STK32B: variants seen among roughly 807,000 people sequenced by gnomAD.
The protein encoded by STK32B is serine/threonine-protein kinase 32B.
STK32B carries 43 observed loss-of-function variants against 52.6 expected under a neutral mutation model. That is an observed-to-expected ratio of 0.82 (90% confidence interval 0.64 to 1.05). STK32B has a LOEUF of 1.05. STK32B is among the 50% of genes least tolerant of loss of function. The pLI is 0.00. For synonymous variants in STK32B, 238 were observed against 204.3 expected, an observed-to-expected ratio of 1.17 and a Z score of -1.41; for missense variants, 621 against 534.6, an observed-to-expected ratio of 1.16 and a Z score of -1.59.
Position 5,184,695 on chromosome 4 carries a change from A to AAAAAAAAAAGAAG in STK32B, c.260+16247_260+16248insAAAAAAAGAAGAA, listed in dbSNP as rs58321341. ...GAGCGAGACTGTCTCAAAAAAAAAA[A>AAAAAAAAAAGAAG]AAGAAGAAGAAGAAGAAAAAGAAAA... On this transcript the variant is annotated intron_variant, in intron 3 of 11. Transcript: ENST00000282908. 2.3e-4 allele frequency among the ~76,000 whole-genome samples: 32 copies of AAAAAAAAAAGAAG among 137,588 alleles called. 1 individual carries two copies. The highest frequency in any genetic ancestry group is 4.6e-4 in the South Asian group (2 of 4,370). The allele number at this position is 137,588 out of a possible 152,430, so 90.3% of individuals were successfully genotyped here. A position where few individuals can be genotyped will look rare whatever the true frequency, so the allele number is the denominator to read the frequency against.
chr4:5,271,991 T>C (rs1313441121), intron 3 of STK32B, among the ~76,000 whole-genome samples: 1 of 149,020 alleles, frequency 6.7e-6, no homozygotes, highest in African/African-American at 2.6e-5. Flanking sequence ...TTGAATACCC[T>C]TTATTTCCTT....
intron 3 of STK32B, among the ~76,000 whole-genome samples, chr4:5,169,638 A>G (rs1719197587): frequency 6.6e-6 from 1 of 150,920 alleles, no homozygotes; most frequent in Non-Finnish European, 1.5e-5. Context: ...TGTCTGCTGG[A>G]GTCTCAGTAT....
chr4:5,243,071 G>C (rs1337828971), intron 3 of STK32B, among the ~76,000 whole-genome samples: 3 of 152,006 alleles, frequency 2.0e-5, no homozygotes, highest in African/African-American at 2.4e-5. Context: ...GCTCTTTTTT[G>C]GTTCCATATG....
At chr4:5,488,570 C>T (rs988479373) in intron 11 of STK32B, among the ~76,000 whole-genome samples, 2 of 152,046 alleles carry the variant, frequency 1.3e-5, no homozygotes, top group Admixed American at 1.3e-4. Context: ...ATAAATTTCC[C>T]TTTCACAAGC....
chr4:5,105,047 C>A (rs751157120), intron 1 of STK32B, among the ~76,000 whole-genome samples: 5 of 152,136 alleles, frequency 3.3e-5, no homozygotes, highest in African/African-American at 1.2e-4. Context: ...TTTTCACTTG[C>A]GACGTAAGAG....
intron 1 of STK32B, among the ~76,000 whole-genome samples, chr4:5,076,253 G>A (rs576110114): frequency 2.6e-5 from 4 of 152,154 alleles, no homozygotes; most frequent in Non-Finnish European, 5.9e-5. Flanking sequence ...GTGAAGAATT[G>A]GAACAAATAA....
At chr4:5,367,437 T>A (rs1050146021) in intron 4 of STK32B, among the ~76,000 whole-genome samples, 1 of 152,134 alleles carries the variant, frequency 6.6e-6, no homozygotes, top group African/African-American at 2.4e-5. Context: ...CAACACTCTT[T>A]CGAGACTGCA....
intron 2 of STK32B, among the ~76,000 whole-genome samples, chr4:5,154,583 T>C (rs1354210933): frequency 6.6e-6 from 1 of 152,178 alleles, no homozygotes; most frequent in Non-Finnish European, 1.5e-5. Flanking sequence ...TAGAAGGATC[T>C]GGGTATCCAC....
At chr4:5,204,421 T>G (rs1329864951) in intron 3 of STK32B, among the ~76,000 whole-genome samples, 1 of 151,948 alleles carries the variant, frequency 6.6e-6, no homozygotes, top group East Asian at 1.9e-4. Context: ...TGTTTTTGTT[T>G]TTTAGGTTTT....
intron 6 of STK32B, among the ~76,000 whole-genome samples, chr4:5,420,788 A>T (rs1205036419): frequency 6.6e-6 from 1 of 152,228 alleles, no homozygotes; most frequent in Admixed American, 6.5e-5. Flanking sequence ...CCTCCTCTGT[A>T]TTCCTACCGA....
At chr4:5,078,353 G>T (rs1447185112) in intron 1 of STK32B, among the ~76,000 whole-genome samples, 1 of 152,134 alleles carries the variant, frequency 6.6e-6, no homozygotes, top group Admixed American at 6.5e-5. Context: ...CTTTAGGGTA[G>T]AAAAGCTAGG....
Position 5,468,090 on chromosome 4 carries a change from C to A in STK32B, c.1106+20C>A, listed in dbSNP as rs1291161513. 6 of 1,612,556 alleles carry A rather than the reference C, an allele frequency of 3.7e-6. No individual in the cohort carries two copies. The African/African-American group carries it at 8.0e-5, about 22-fold the overall frequency. On this transcript the variant is annotated intron_variant, in intron 11 of 11. Transcript: ENST00000282908. ...AGAGAAGTAAGTCCTTCATACTGTC[C>A]CCCTTGGGCAAAGCCTGTCCTAAGT...
At chr4:5,270,126 G>T (rs996054357) in intron 3 of STK32B, among the ~76,000 whole-genome samples, 1 of 152,168 alleles carries the variant, frequency 6.6e-6, no homozygotes, top group African/African-American at 2.4e-5. Flanking sequence ...TTAGGGCATT[G>T]TATTAGTCAG....
At chr4:5,336,879 C>T (rs991782900) in intron 4 of STK32B, among the ~76,000 whole-genome samples, 1 of 152,216 alleles carries the variant, frequency 6.6e-6, no homozygotes, top group Non-Finnish European at 1.5e-5. Context: ...TAGAAACAGA[C>T]ACATACCAAA....
At position 5,379,540 on chromosome 4, in the gene STK32B, G is replaced by T. The variant is rs1024307593; in HGVS notation, c.435-18667G>T. On this transcript the variant is annotated intron_variant, in intron 4 of 11. Coordinates refer to ENST00000282908, the MANE Select transcript of STK32B (RefSeq NM_018401.3). ...CACCACCCCCAATTCATACATTGAA[G>T]CCCTAACCCCCAGTACCCCAGAATG... 2.0e-5 allele frequency among the ~76,000 whole-genome samples: 3 copies of T among 152,140 alleles called. No individual in the cohort carries two copies. The East Asian group carries it at 5.8e-4, about 29-fold the overall frequency.
At chr4:5,493,590 C>G (rs925285780) in intron 11 of STK32B, among the ~76,000 whole-genome samples, 7 of 152,184 alleles carry the variant, frequency 4.6e-5, no homozygotes, top group Admixed American at 4.6e-4. Flanking sequence ...CAGTTCTGCT[C>G]TGATTTTAGT....
rs573031310 is a variant in STK32B at position 5,295,529 on chromosome 4, C to T, written c.261-35691C>T. On this transcript the variant is annotated intron_variant, in intron 3 of 11. Coordinates refer to ENST00000282908, the MANE Select transcript of STK32B (RefSeq NM_018401.3). ...GGGTGTGTGTGTCCTGGAATTTATC[C>T]GTTTCTTCTAGATTTTCTAGTTTAT... Among the ~76,000 whole-genome samples, 9 of 152,058 alleles carry T rather than the reference C, an allele frequency of 5.9e-5. No individual in the cohort carries two copies. In the South Asian group the frequency reaches 8.4e-4, roughly 14 times the overall value.
intron 11 of STK32B, among the ~76,000 whole-genome samples, chr4:5,485,385 A>T (rs1025363262): frequency 6.6e-6 from 1 of 152,028 alleles, no homozygotes; most frequent in East Asian, 1.9e-4. Flanking sequence ...CGAATCGGCT[A>T]CTGAGGCTTG....
intron 3 of STK32B, among the ~76,000 whole-genome samples, chr4:5,258,495 CG>C: frequency 6.6e-6 from 1 of 152,290 alleles, no homozygotes; most frequent in East Asian, 1.9e-4. Context: ...CTGTTGCAAG[CG>C]TTCCGTGCAT....
Sources: allele counts gnomAD v4.1 joint callset (sites outside exome capture counted in the v4.1 genomes callset), GRCh38; gene constraint gnomAD v4.1.1; transcripts MANE v1.5; gene names NCBI Gene and HGNC (gene_info 2026-07-23, HGNC 2026-07-21).